SH3GL3: variants seen among roughly 807,000 people sequenced by gnomAD.
The protein encoded by SH3GL3 is endophilin-A3.
A neutral mutation model predicts 47.7 loss-of-function variants in SH3GL3; 33 were observed. The observed-to-expected ratio is 0.69, with a 90% CI of 0.52 to 0.92. The LOEUF is 0.92. Ranked by LOEUF, SH3GL3 falls within the 40% of genes least tolerant of loss-of-function variation. The probability of loss-of-function intolerance (pLI) is 0.00; values close to 1 mark genes in which losing one functional copy is unlikely to be tolerated. For missense variants in SH3GL3, 363 were observed against 417.8 expected (o/e 0.87, Z 1.14); for synonymous variants, 155 against 148.8 (o/e 1.04, Z -0.30).
intron 1 of SH3GL3, among the ~76,000 whole-genome samples, chr15:83,540,782 T>C (rs1325876552): frequency 6.6e-6 from 1 of 152,204 alleles, no homozygotes; most frequent in Non-Finnish European, 1.5e-5. Context: ...TTCTTTGTGT[T>C]ATGAACATTC....
chr15:83,626,768 T>C, the SH3GL3 span, among the ~76,000 whole-genome samples: 1 of 152,236 alleles, frequency 6.6e-6, no homozygotes, highest in Non-Finnish European at 1.5e-5. Flanking sequence ...CTTGTCTCTT[T>C]GTCCTTGACA....
At chr15:83,551,597 G>C (rs1248230026) in intron 1 of SH3GL3, among the ~76,000 whole-genome samples, 2 of 152,248 alleles carry the variant, frequency 1.3e-5, no homozygotes, top group Admixed American at 1.3e-4. Flanking sequence ...TGGCCCACTT[G>C]ACTAATCTTT....
intron 1 of SH3GL3, among the ~76,000 whole-genome samples, chr15:83,480,092 A>G (rs977209450): frequency 6.6e-6 from 1 of 152,168 alleles, no homozygotes; most frequent in African/African-American, 2.4e-5. Flanking sequence ...TTTGGATGGA[A>G]ACTAATTAGT....
intron 4 of SH3GL3, among the ~76,000 whole-genome samples, chr15:83,571,160 A>G (rs2045795980): frequency 1.3e-5 from 2 of 152,322 alleles, no homozygotes; most frequent in South Asian, 2.1e-4. Flanking sequence ...GCTGAGCCCC[A>G]CACCCGTGGA....
At chr15:83,632,617 G>T in the SH3GL3 span, among the ~76,000 whole-genome samples, 8 of 152,304 alleles carry the variant, frequency 5.3e-5, no homozygotes, top group East Asian at 1.5e-3. Context: ...TTCAAATGGT[G>T]GCAGGAAGGA....
chr15:83,457,559 A>G (rs1195839420), intron 1 of SH3GL3, among the ~76,000 whole-genome samples: 3 of 152,208 alleles, frequency 2.0e-5, no homozygotes, highest in African/African-American at 4.8e-5. Context: ...TCAGAGAAGG[A>G]TATTCTTTGT....
intron 1 of SH3GL3, among the ~76,000 whole-genome samples, chr15:83,473,665 A>C (rs1263561556): frequency 1.3e-5 from 2 of 151,036 alleles, no homozygotes; most frequent in Non-Finnish European, 2.9e-5. Flanking sequence ...CTCCTGCCTC[A>C]GCCTCCCGAG....
At chr15:83,595,144 A>G (rs921787683) in intron 8 of SH3GL3, among the ~76,000 whole-genome samples, 2 of 152,214 alleles carry the variant, frequency 1.3e-5, no homozygotes, top group Non-Finnish European at 1.5e-5. Context: ...AACGTACTAC[A>G]TATATTCCAT....
chr15:83,556,721 C>A (rs1424584957), intron 1 of SH3GL3, among the ~76,000 whole-genome samples: 1 of 152,080 alleles, frequency 6.6e-6, no homozygotes. Flanking sequence ...GAAAACACAG[C>A]GACTTAAGAC....
At position 83,618,103 on chromosome 15, in the gene SH3GL3, A is replaced by G. The variant is rs368195801; in HGVS notation, c.860A>G (p.Gln287Arg). The G allele has an allele frequency of 1.2e-6, 2 of 1,613,336 alleles. No individual in the cohort carries two copies. Among genetic ancestry groups the G allele is most frequent in the African/African-American group, 1.3e-5 (1 of 75,044 alleles). Residue 287 changes from glutamine to arginine, a missense_variant, in exon 9 of 9, where the codon CAG (glutamine) becomes CGG (arginine). Transcript: ENST00000427482. ...KTTGSNIPMDQPCCRGLYDFE... is the reference protein window; with the variant it reads ...KTTGSNIPMDRPCCRGLYDFE... Reference sequence around the variant, plus strand: ...ACAGGTTCTAACATTCCCATGGACCAGCCCTGCTGTCGTGGTCTCTATGAC... The same window carrying G: ...ACAGGTTCTAACATTCCCATGGACCGGCCCTGCTGTCGTGGTCTCTATGAC...
At chr15:83,459,428 T>A (rs930619588) in intron 1 of SH3GL3, among the ~76,000 whole-genome samples, 5 of 152,190 alleles carry the variant, frequency 3.3e-5, no homozygotes, top group Admixed American at 6.5e-5. Context: ...ATGGAGGGTT[T>A]ATGAAAGATG....
chr15:83,456,764 G>A (rs897176218), intron 1 of SH3GL3, among the ~76,000 whole-genome samples: 3 of 151,470 alleles, frequency 2.0e-5, no homozygotes, highest in Admixed American at 6.6e-5. Flanking sequence ...GAAATCACCC[G>A]TCTTCTGCGT....
intron 1 of SH3GL3, among the ~76,000 whole-genome samples, chr15:83,469,266 A>G (rs1285799245): frequency 2.0e-5 from 3 of 152,026 alleles, no homozygotes; most frequent in Admixed American, 6.5e-5. Flanking sequence ...GATCTTTTCA[A>G]AGAACTAGCC....
chr15:83,483,276 C>G (rs945290131), intron 1 of SH3GL3, among the ~76,000 whole-genome samples: 5 of 152,130 alleles, frequency 3.3e-5, no homozygotes, highest in Non-Finnish European at 7.3e-5. Flanking sequence ...GGGCCTTGCT[C>G]TAGACCAGTG....
intron 1 of SH3GL3, among the ~76,000 whole-genome samples, chr15:83,460,064 C>CCCTG (rs1229769804): frequency 1.2e-5 from 1 of 82,756 alleles, no homozygotes; most frequent in African/African-American, 5.0e-5. Context: ...CTGCCTCCCT[C>CCCTG]CCTCCCTTCC....
chr15:83,549,139 T>TA (rs1278112985), intron 1 of SH3GL3, among the ~76,000 whole-genome samples: 1 of 152,242 alleles, frequency 6.6e-6, no homozygotes, highest in East Asian at 1.9e-4. Flanking sequence ...CAATTTTTGA[T>TA]AAAAATTTTA....
chr15:83,622,727 T>C (rs2060918298), downstream of SH3GL3, among the ~76,000 whole-genome samples: 1 of 152,242 alleles, frequency 6.6e-6, no homozygotes, highest in Non-Finnish European at 1.5e-5. Context: ...TGCATCCAGA[T>C]AGTGTCTCAC....
At chr15:83,508,440 G>A (rs1185195411) in intron 1 of SH3GL3, among the ~76,000 whole-genome samples, 1 of 152,136 alleles carries the variant, frequency 6.6e-6, no homozygotes, top group Non-Finnish European at 1.5e-5. Flanking sequence ...GGAGTGCAGT[G>A]AGTGAGGGAG....
chr15:83,490,801 A>G (rs770818320), intron 1 of SH3GL3: 6 of 1,614,040 alleles, frequency 3.7e-6, no homozygotes, highest in East Asian at 2.2e-5. Context: ...TGTCATAAAC[A>G]TTGAGGACTC....
Sources: gnomAD v4.1 joint callset for allele counts (sites outside exome capture counted in the v4.1 genomes callset) on GRCh38, gnomAD v4.1.1 for gene constraint, MANE v1.5 for transcripts, NCBI Gene and HGNC (gene_info 2026-07-23, HGNC 2026-07-21) for gene names.